FIRRM: variants seen among roughly 807,000 people sequenced by gnomAD.
The protein encoded by FIRRM is FIGNL1 interacting regulator of recombination and mitosis.
the FIRRM span, chr1:169,853,333 G>A: frequency 3.0e-6 from 1 of 329,420 alleles, no homozygotes; most frequent in African/African-American, 2.1e-5. Flanking sequence ...TCATAATAGA[G>A]CTTACTCTTA....
the FIRRM span, among the ~76,000 whole-genome samples, chr1:169,812,135 A>G: frequency 6.6e-6 from 1 of 152,236 alleles, no homozygotes; most frequent in African/African-American, 2.4e-5. Flanking sequence ...CTCTAGGTTT[A>G]ATTAGTAGTA....
At chr1:169,804,972 C>T in the FIRRM span, among the ~76,000 whole-genome samples, 2 of 152,212 alleles carry the variant, frequency 1.3e-5, no homozygotes, top group Non-Finnish European at 2.9e-5. Context: ...CATGAGCCAC[C>T]GTGCCCAGCC....
At chr1:169,811,623 C>A in the FIRRM span, among the ~76,000 whole-genome samples, 1 of 151,994 alleles carries the variant, frequency 6.6e-6, no homozygotes, top group Non-Finnish European at 1.5e-5. Flanking sequence ...CCACTGTACT[C>A]CAGCTTGGAC....
the FIRRM span, chr1:169,798,888 A>G: frequency 4.7e-6 from 6 of 1,268,402 alleles, no homozygotes; most frequent in Non-Finnish European, 6.4e-6. Context: ...CCCTATTACT[A>G]TGATACTAGT....
the FIRRM span, chr1:169,852,476 T>G: frequency 2.7e-5 from 9 of 330,128 alleles, no homozygotes; most frequent in African/African-American, 1.9e-4. Flanking sequence ...GAAAATACAT[T>G]TATGAACTTG....
chr1:169,823,360 A>G, the FIRRM span: 1 of 1,177,074 alleles, frequency 8.5e-7, no homozygotes, highest in East Asian at 2.4e-5. Flanking sequence ...ATATGTACTA[A>G]AGAGACATAT....
At chr1:169,815,024 G>T in the FIRRM span, among the ~76,000 whole-genome samples, 10,040 of 151,784 alleles carry the variant, frequency 0.066, 426 homozygotes, top group Non-Finnish European at 0.098. Context: ...AAGGCCAGGC[G>T]CGGTGGCTCA....
chr1:169,817,011 T>C, the FIRRM span, among the ~76,000 whole-genome samples: 5 of 152,170 alleles, frequency 3.3e-5, no homozygotes, highest in Non-Finnish European at 7.3e-5. Context: ...CACAGTGATA[T>C]ACTTTACTCA....
chr1:169,845,624 A>G, the FIRRM span, among the ~76,000 whole-genome samples: 1 of 152,354 alleles, frequency 6.6e-6, no homozygotes, highest in African/African-American at 2.4e-5. Context: ...ACCATCTTCT[A>G]TACCAGGAGT....
At chr1:169,801,825 A>G in the FIRRM span, among the ~76,000 whole-genome samples, 2 of 152,208 alleles carry the variant, frequency 1.3e-5, no homozygotes, top group East Asian at 3.8e-4. Flanking sequence ...ATGGGTTTCT[A>G]ACTTTAGCTT....
At chr1:169,850,113 C>T in the FIRRM span, 8 of 601,376 alleles carry the variant, frequency 1.3e-5, no homozygotes, top group Admixed American at 1.2e-4. Context: ...CTTAGGGACC[C>T]TGAAGGAATC....
the FIRRM span, chr1:169,850,205 A>G: frequency 4.4e-6 from 5 of 1,140,996 alleles, no homozygotes; most frequent in East Asian, 2.4e-5. Flanking sequence ...AAACTCATCT[A>G]TTTGTCTTTG....
At chr1:169,790,734 A>T in the FIRRM span, among the ~76,000 whole-genome samples, 1 of 152,156 alleles carries the variant, frequency 6.6e-6, no homozygotes, top group Non-Finnish European at 1.5e-5. Context: ...ATGTATTATG[A>T]GCCTCTATCC....
At chr1:169,821,777 G>A in the FIRRM span, 18 of 1,501,364 alleles carry the variant, frequency 1.2e-5, no homozygotes, top group Non-Finnish European at 1.4e-5. Flanking sequence ...TTTATTATAC[G>A]TTACTTTATT....
the FIRRM span, chr1:169,829,394 G>T: frequency 1.9e-6 from 3 of 1,613,626 alleles, no homozygotes. Context: ...CAGCATGTTT[G>T]TGTTCATCTG....
chr1:169,834,219 T>G, the FIRRM span, among the ~76,000 whole-genome samples: 2 of 152,156 alleles, frequency 1.3e-5, no homozygotes, highest in African/African-American at 2.4e-5. Flanking sequence ...GATATGTAAA[T>G]TATAGGTAAA....
At chr1:169,803,623 A>T in the FIRRM span, among the ~76,000 whole-genome samples, 1 of 152,154 alleles carries the variant, frequency 6.6e-6, no homozygotes. Context: ...CCAATATTCA[A>T]TTACCATTAT....
At chr1:169,851,129 A>T in the FIRRM span, 1 of 143,540 alleles carries the variant, frequency 7.0e-6, no homozygotes, top group African/African-American at 2.7e-5. Flanking sequence ...ATTAAAACCA[A>T]AATTTTGAAT....
the FIRRM span, chr1:169,802,647 G>A: frequency 6.2e-7 from 1 of 1,611,700 alleles, no homozygotes. Flanking sequence ...ATGACATGAT[G>A]TATGAATTAA....
Sources: allele counts gnomAD v4.1 joint callset (sites outside exome capture counted in the v4.1 genomes callset), GRCh38; gene constraint gnomAD v4.1.1; transcripts MANE v1.5; gene names NCBI Gene and HGNC (gene_info 2026-07-23, HGNC 2026-07-21).